The following ARHGEF7 variants were observed in gnomAD, a reference collection of about 807,000 sequenced individuals.
ARHGEF7 encodes the protein PAK-interacting exchange factor beta.
A neutral mutation model predicts 109.8 loss-of-function variants in ARHGEF7; 33 were observed. That is an observed-to-expected ratio of 0.30 (90% CI 0.23 to 0.40). The LOEUF is 0.40. ARHGEF7 is among the 10% of genes least tolerant of loss of function. ARHGEF7 has a pLI of 1.00. For synonymous variants in ARHGEF7, 458 were observed against 424.6 expected (o/e 1.08, Z -0.97); for missense variants, 938 against 1,098.5 (o/e 0.85, Z 2.07).
At chr13:111,132,828 CCTT>C (rs2074831523) in intron 1 of ARHGEF7, among the ~76,000 whole-genome samples, 2 of 151,660 alleles carry the variant, frequency 1.3e-5, no homozygotes, top group African/African-American at 4.8e-5. Context: ...TCTTTTTAAT[CCTT>C]TTTTTTTTAG....
At chr13:111,245,481 C>A (rs1244566340) in intron 8 of ARHGEF7, among the ~76,000 whole-genome samples, 2 of 152,232 alleles carry the variant, frequency 1.3e-5, no homozygotes, top group African/African-American at 2.4e-5. Context: ...GCTTTTTCAC[C>A]TTTTCAAATT....
At chr13:111,218,557 C>T (rs1338376131) in intron 5 of ARHGEF7, among the ~76,000 whole-genome samples, 1 of 152,074 alleles carries the variant, frequency 6.6e-6, no homozygotes, top group Non-Finnish European at 1.5e-5. Context: ...TGAAAAACAC[C>T]GTTGTATACT....
At chr13:111,261,572 CACTTG>C (rs777413236) in intron 8 of ARHGEF7, among the ~76,000 whole-genome samples, 1 of 152,186 alleles carries the variant, frequency 6.6e-6, no homozygotes, top group South Asian at 2.1e-4. Context: ...GCAACAAAGA[CACTTG>C]ACTTTATCTG....
intron 1 of ARHGEF7, among the ~76,000 whole-genome samples, chr13:111,125,973 A>G (rs1449719474): frequency 1.3e-5 from 2 of 152,192 alleles, no homozygotes; most frequent in East Asian, 3.8e-4. Context: ...CTCCTCAGGA[A>G]GAGGGAGAGC....
At chr13:111,271,916 C>A (rs1346537882) in intron 9 of ARHGEF7, among the ~76,000 whole-genome samples, 1 of 152,188 alleles carries the variant, frequency 6.6e-6, no homozygotes, top group Non-Finnish European at 1.5e-5. Context: ...TTCTTGTTGG[C>A]AAGGGCAGAC....
At chr13:111,277,070 C>T (rs1595452360) in intron 12 of ARHGEF7, among the ~76,000 whole-genome samples, 1 of 152,208 alleles carries the variant, frequency 6.6e-6, no homozygotes, top group East Asian at 1.9e-4. Flanking sequence ...TTGGGAAGTG[C>T]CAGGAATTAC....
chr13:111,139,034 A>G (rs1056347086), intron 1 of ARHGEF7, among the ~76,000 whole-genome samples: 8 of 152,254 alleles, frequency 5.3e-5, no homozygotes, highest in Non-Finnish European at 8.8e-5. Context: ...CTGGAAACAA[A>G]TGAAACAATG....
chr13:111,119,194 C>T (rs889157584), intron 1 of ARHGEF7, among the ~76,000 whole-genome samples: 2 of 152,190 alleles, frequency 1.3e-5, no homozygotes, highest in Non-Finnish European at 2.9e-5. Flanking sequence ...TTTAGCAGGA[C>T]ATCAGTGGAA....
intron 3 of ARHGEF7, among the ~76,000 whole-genome samples, chr13:111,207,390 A>G (rs1213927468): frequency 1.3e-5 from 2 of 151,454 alleles, no homozygotes; most frequent in African/African-American, 4.9e-5. Context: ...CTTGTCTTAA[A>G]CTCCTGAGCT....
intron 2 of ARHGEF7, among the ~76,000 whole-genome samples, chr13:111,176,144 C>T (rs1005650063): frequency 1.3e-5 from 2 of 152,154 alleles, no homozygotes; most frequent in Admixed American, 6.5e-5. Flanking sequence ...TAGTCTGTCA[C>T]CAGCACCATG....
Position 111,239,110 on chromosome 13 carries a change from G to A in ARHGEF7, c.760-4762G>A, listed in dbSNP as rs911051611. Among the ~76,000 whole-genome samples, 5 of 152,058 alleles carry A rather than the reference G, an allele frequency of 3.3e-5. No homozygotes were observed. Among genetic ancestry groups the A allele is most frequent in the African/African-American group, 1.2e-4 (5 of 41,410 alleles). ...CACCATGAGAACAGCATAGGGGAAC[G>A]CGCTGCGTGCCCCTGCTCCCCCACA... is the stretch of plus-strand genomic sequence containing the variant. On this transcript the variant is annotated intron_variant, in intron 6 of 21. Transcript: ENST00000646102. The surrounding 1 kb of genome is among the most constrained non-coding windows in gnomAD (Gnocchi z 4.3).
intron 1 of ARHGEF7, 147 bp from the exon 2 acceptor site, chr13:111,153,758 G>T: frequency 7.4e-7 from 1 of 1,351,528 alleles, no homozygotes; most frequent in Non-Finnish European, 9.4e-7. Context: ...TTGGCATCTG[G>T]GGCAGCGGGC....
chr13:111,142,501 T>C (rs1272800103), intron 1 of ARHGEF7, among the ~76,000 whole-genome samples: 1 of 152,184 alleles, frequency 6.6e-6, no homozygotes, highest in African/African-American at 2.4e-5. Context: ...GATACTTGAG[T>C]TTTGGGTAAT....
Position 111,155,546 on chromosome 13 carries a change from C to G in ARHGEF7, c.252+1555C>G, listed in dbSNP as rs191084074. Among the ~76,000 whole-genome samples, 4 of 152,334 alleles carry G rather than the reference C, an allele frequency of 2.6e-5. No homozygotes were observed. In the East Asian group the frequency reaches 5.8e-4, roughly 22 times the overall value. On this transcript the variant is annotated intron_variant, in intron 2 of 21. Transcript: ENST00000646102. ...AAAAGACAGTGTTTCAGTAGTCTTT[C>G]CCTGATACCCTTTGTCGTATCAGCT...
At chr13:111,300,656 A>T (rs1347539147) in intron 19 of ARHGEF7, 92 bp from the exon 20 acceptor site, 62 of 849,032 alleles carry the variant, frequency 7.3e-5, no homozygotes, top group Non-Finnish European at 1.1e-4. Context: ...CTAGAACTTA[A>T]TATTTAAGTG....
chr13:111,203,130 T>C, intron 2 of ARHGEF7: 1 of 1,272,318 alleles, frequency 7.9e-7, no homozygotes, highest in Non-Finnish European at 1.0e-6. Flanking sequence ...TAGTAGAAAT[T>C]TATGTATGTA....
At chr13:111,299,998 A>G (rs954569271) in intron 19 of ARHGEF7, among the ~76,000 whole-genome samples, 1 of 152,242 alleles carries the variant, frequency 6.6e-6, no homozygotes, top group Non-Finnish European at 1.5e-5. Flanking sequence ...TATTTTCTTT[A>G]AGAAAAGATT....
intron 2 of ARHGEF7, among the ~76,000 whole-genome samples, chr13:111,175,509 A>T (rs1318300979): frequency 6.6e-6 from 1 of 152,116 alleles, no homozygotes; most frequent in Non-Finnish European, 1.5e-5. Flanking sequence ...AGGCTCTGAG[A>T]TGGAATTGAG....
chr13:111,162,568 T>TC (rs1165490282), intron 2 of ARHGEF7, among the ~76,000 whole-genome samples: 1 of 152,172 alleles, frequency 6.6e-6, no homozygotes, highest in African/African-American at 2.4e-5. Context: ...TCGAGAGACT[T>TC]CAGAAGGAGT....
Sources: gnomAD v4.1 joint callset for allele counts (sites outside exome capture counted in the v4.1 genomes callset) on GRCh38, gnomAD v4.1.1 for gene constraint, Gnocchi (gnomAD v3.1) non-coding constraint, MANE v1.5 for transcripts, NCBI Gene and HGNC (gene_info 2026-07-23, HGNC 2026-07-21) for gene names.